The following ITIH5 variants were observed in gnomAD, a reference collection of about 807,000 sequenced individuals.
ITIH5 encodes the protein inter-alpha-trypsin inhibitor heavy chain H5.
A neutral mutation model predicts 77.5 loss-of-function variants in ITIH5; 65 were observed. The observed-to-expected ratio is 0.84, with a 90% CI of 0.69 to 1.03. The LOEUF (loss-of-function observed/expected upper bound fraction) is 1.03. Ranked by LOEUF, ITIH5 falls within the 50% of genes least tolerant of loss-of-function variation. ITIH5 has a pLI of 0.00. For missense variants in ITIH5, 1,208 were observed against 1,213.1 expected (o/e 1.00, Z 0.06); for synonymous variants, 525 against 494.3 (o/e 1.06, Z -0.82).
chr10:7,585,884 G>T lies in ITIH5; in HGVS notation c.1108+17C>A. Reference sequence around the variant, plus strand: ...TTTCAAAGCCAAGCCAATGTGAAAAGAAGGTGTCATCTTTACCTCCAGTGG... The same window carrying T: ...TTTCAAAGCCAAGCCAATGTGAAAATAAGGTGTCATCTTTACCTCCAGTGG... On this transcript the variant is annotated intron_variant, in intron 8 of 13. Transcript: ENST00000397146. 6 of 1,471,362 alleles carry T rather than the reference G, an allele frequency of 4.1e-6. No individual in the cohort carries two copies. The highest frequency in any genetic ancestry group is 5.5e-6 in the Non-Finnish European group (6 of 1,085,574). 91.1% of individuals were successfully genotyped at this position (1,471,362 alleles called of 1,614,324 possible). A position where few individuals can be genotyped will look rare whatever the true frequency, so the allele number is the denominator to read the frequency against.
intron 2 of ITIH5, among the ~76,000 whole-genome samples, chr10:7,642,764 G>A (rs1833910419): frequency 6.6e-6 from 1 of 152,170 alleles, no homozygotes; most frequent in African/African-American, 2.4e-5. Flanking sequence ...ACTCTTCAGG[G>A]CTTTTTCTAG....
At chr10:7,626,222 A>T (rs55639355) in intron 5 of ITIH5, among the ~76,000 whole-genome samples, 5,989 of 152,226 alleles carry the variant, frequency 0.039, 415 homozygotes, top group African/African-American at 0.14. Flanking sequence ...AAAAAGGAAG[A>T]AAAAGAGTGA....
intron 8 of ITIH5, among the ~76,000 whole-genome samples, chr10:7,583,049 A>T (rs1258837409): frequency 6.6e-6 from 1 of 152,226 alleles, no homozygotes; most frequent in African/African-American, 2.4e-5. Context: ...CATTTATCTG[A>T]TGTAATTATC....
Position 7,565,729 on chromosome 10 carries a change from TAG to T in ITIH5, c.2527+299_2527+300del, listed in dbSNP as rs35907983. On this transcript the variant is annotated intron_variant, in intron 13 of 13. Transcript: ENST00000397146. The stretch of plus-strand genomic sequence containing the variant: ...ATATAATATATATTATGTATTTATA[TAG>T]AGAGACTATATACACATATGCAGTC... Among the ~76,000 whole-genome samples the T allele has an allele frequency of 3.4e-3, 509 of 148,962 alleles. 5 individuals carry two copies. The highest frequency in any genetic ancestry group is 0.01 in the South Asian group (50 of 4,774).
rs1010903445 is a variant in ITIH5 at position 7,559,772 on chromosome 10, T to C, written c.*3311A>G. The C allele has an allele frequency of 5.7e-5, 26 of 454,562 alleles. No individual in the cohort carries two copies. The highest frequency in any genetic ancestry group is 1.1e-4 in the Non-Finnish European group (24 of 226,308). 28.2% of individuals were successfully genotyped at this position (454,562 alleles called of 1,614,324 possible). A position where few individuals can be genotyped will look rare whatever the true frequency, so the allele number is the denominator to read the frequency against. On this transcript the variant is annotated 3_prime_UTR_variant, in exon 14 of 14. Transcript: ENST00000397146. ...TGGTGTCTGGTGAGGGCCGTCTTCC[T>C]GGCTTGCAGGTGGCCATCTTCTCAT...
chr10:7,617,023 C>T, intron 6 of ITIH5, 90 bp downstream of exon 6: 1 of 768,732 alleles, frequency 1.3e-6, no homozygotes, highest in South Asian at 4.3e-5. Flanking sequence ...AGAAAGTTCT[C>T]TCTCCCTTAG....
At chr10:7,573,673 C>A (rs1280281722) in intron 10 of ITIH5, among the ~76,000 whole-genome samples, 811 of 109,624 alleles carry the variant, frequency 7.4e-3, no homozygotes, top group African/African-American at 7.8e-3. Context: ...GAGACTGTCT[C>A]AAAAAAAAAA....
chr10:7,623,193 G>A (rs761696420), intron 5 of ITIH5, among the ~76,000 whole-genome samples: 10 of 152,228 alleles, frequency 6.6e-5, no homozygotes, highest in Non-Finnish European at 1.0e-4. Context: ...TCTGTTTCCT[G>A]AGGGTCTGGG....
intron 5 of ITIH5, among the ~76,000 whole-genome samples, chr10:7,631,274 G>A (rs114307737): frequency 6.6e-6 from 1 of 152,138 alleles, no homozygotes; most frequent in African/African-American, 2.4e-5. Context: ...CTAACGGGCG[G>A]CAAAGTTTGG....
chr10:7,590,422 G>A (rs942226271), intron 7 of ITIH5, among the ~76,000 whole-genome samples: 1 of 151,922 alleles, frequency 6.6e-6, no homozygotes, highest in Non-Finnish European at 1.5e-5. Flanking sequence ...ACATCATCAC[G>A]CCTACCTAGA....
At chr10:7,565,402 CACAT>C (rs147957684) in intron 13 of ITIH5, among the ~76,000 whole-genome samples, 6,892 of 149,600 alleles carry the variant, frequency 0.046, 530 homozygotes, top group African/African-American at 0.16. Context: ...ATATCATGCA[CACAT>C]ACATAGACAG....
chr10:7,628,437 G>T (rs900677240), intron 5 of ITIH5, among the ~76,000 whole-genome samples: 5 of 152,210 alleles, frequency 3.3e-5, no homozygotes, highest in African/African-American at 1.2e-4. Flanking sequence ...CCGTCACACT[G>T]TAGCATGTGT....
Position 7,569,753 on chromosome 10 carries a change from G to T in ITIH5, c.2064C>A (p.Phe688Leu), listed in dbSNP as rs150070433. 3.1e-6 allele frequency: 5 copies of T among 1,611,162 alleles called. No homozygotes were observed. Among genetic ancestry groups the T allele is most frequent in the Non-Finnish European group, 4.2e-6 (5 of 1,179,002 alleles). ...AGCACACGGTGAGTCTGCTCAGGGG[G>T]AAATCCACAACAAAGTGGGGATCAC... ...VDGDPHFVVDFPLSRLTVCFN... is the reference protein window; with the variant it reads ...VDGDPHFVVDLPLSRLTVCFN... Residue 688 changes from phenylalanine to leucine, a missense_variant, in exon 12 of 14, where the codon TTC (phenylalanine) becomes TTA (leucine). Coordinates refer to ENST00000397146, the MANE Select transcript of ITIH5 (RefSeq NM_030569.7).
intron 5 of ITIH5, among the ~76,000 whole-genome samples, chr10:7,623,197 G>A (rs943943292): frequency 7.2e-5 from 11 of 152,310 alleles, no homozygotes; most frequent in African/African-American, 2.2e-4. Flanking sequence ...TTTCCTGAGG[G>A]TCTGGGTTTT....
chr10:7,569,622 C>T (rs377077166), intron 12 of ITIH5, 46 bp downstream of exon 12: 46 of 1,267,956 alleles, frequency 3.6e-5, no homozygotes, highest in Non-Finnish European at 5.0e-5. Flanking sequence ...GGATGCAGTA[C>T]CTACCTGGTC....
chr10:7,600,866 G>A (rs1349741139), intron 7 of ITIH5, among the ~76,000 whole-genome samples: 1 of 152,168 alleles, frequency 6.6e-6, no homozygotes, highest in East Asian at 1.9e-4. Flanking sequence ...CGGAGAACTT[G>A]CATCTATGAC....
chr10:7,581,137 G>A (rs1388425947), intron 8 of ITIH5, among the ~76,000 whole-genome samples: 1 of 152,176 alleles, frequency 6.6e-6, no homozygotes, highest in Non-Finnish European at 1.5e-5. Flanking sequence ...GTACATGCCT[G>A]TAATCCCAGC....
intron 5 of ITIH5, among the ~76,000 whole-genome samples, chr10:7,631,130 C>G (rs1395455850): frequency 6.6e-6 from 1 of 151,992 alleles, no homozygotes; most frequent in Non-Finnish European, 1.5e-5. Context: ...AGACCCCAAA[C>G]TTTATTGTCC....
intron 11 of ITIH5, chr10:7,572,670 T>C (rs1050370715): frequency 3.5e-6 from 1 of 282,954 alleles, no homozygotes; most frequent in Non-Finnish European, 6.8e-6. Context: ...GATGGTTTCA[T>C]AACAGCTGCA....
Sources: gnomAD v4.1 joint callset for allele counts (sites outside exome capture counted in the v4.1 genomes callset) on GRCh38, gnomAD v4.1.1 for gene constraint, MANE v1.5 for transcripts, NCBI Gene and HGNC (gene_info 2026-07-23, HGNC 2026-07-21) for gene names.